Variants in TMEM132D observed in about 807,000 individuals in gnomAD.
TMEM132D encodes transmembrane protein 132D.
Under a neutral mutation model 62.3 loss-of-function variants are expected in TMEM132D, and 21 were observed. The observed-to-expected ratio is 0.34, with a 90% CI of 0.24 to 0.49. TMEM132D has a LOEUF of 0.49. Ranked by LOEUF, TMEM132D falls within the 20% of genes least tolerant of loss-of-function variation. The pLI is 0.99. For missense variants in TMEM132D, 1,346 were observed against 1,402.8 expected, an observed-to-expected ratio of 0.96 and a Z score of 0.65; for synonymous variants, 621 against 575.6, an observed-to-expected ratio of 1.08 and a Z score of -1.13.
intron 1 of TMEM132D, among the ~76,000 whole-genome samples, chr12:129,701,364 G>A (rs1881381863): frequency 6.6e-6 from 1 of 152,172 alleles, no homozygotes; most frequent in Non-Finnish European, 1.5e-5. Context: ...ACCTTGGAAG[G>A]ATATATTGGG....
At position 129,321,456 on chromosome 12, in the gene TMEM132D, T is replaced by C. The variant is rs181829093; in HGVS notation, c.1299+16178A>G. ...TCGTTATTCAGAAAGCTTCTAATAT[T>C]CCATGTCCATCACTTAGTCATGCCC... On this transcript the variant is annotated intron_variant, in intron 4 of 8. Coordinates refer to ENST00000422113, the MANE Select transcript of TMEM132D (RefSeq NM_133448.3). 2.6e-5 allele frequency among the ~76,000 whole-genome samples: 4 copies of C among 152,362 alleles called. No homozygotes were observed. The East Asian group carries it at 7.7e-4, about 29-fold the overall frequency.
intron 1 of TMEM132D, among the ~76,000 whole-genome samples, chr12:129,710,768 T>C (rs1040083666): frequency 1.3e-5 from 2 of 152,182 alleles, no homozygotes; most frequent in Admixed American, 6.5e-5. Flanking sequence ...CCCGCAGCCA[T>C]GCTCCTCTCC....
chr12:129,415,655 G>A (rs1449408871), intron 3 of TMEM132D, among the ~76,000 whole-genome samples: 5 of 152,140 alleles, frequency 3.3e-5, no homozygotes, highest in African/African-American at 1.2e-4. Context: ...ATCTGCTCAG[G>A]TCAGGGCTTA....
intron 1 of TMEM132D, among the ~76,000 whole-genome samples, chr12:129,885,743 C>G (rs559150027): frequency 6.6e-6 from 1 of 152,266 alleles, no homozygotes; most frequent in East Asian, 1.9e-4. Context: ...TATTGTAAAT[C>G]TTGACATTTT....
chr12:129,887,499 T>C (rs1188050762), intron 1 of TMEM132D, among the ~76,000 whole-genome samples: 1 of 152,194 alleles, frequency 6.6e-6, no homozygotes, highest in East Asian at 1.9e-4. Flanking sequence ...AAATAAAATT[T>C]TCCTCTCTAT....
chr12:129,881,486 C>T (rs761636737), intron 1 of TMEM132D, among the ~76,000 whole-genome samples: 70 of 152,022 alleles, frequency 4.6e-4, no homozygotes, highest in Non-Finnish European at 5.6e-4. Context: ...GCATTAACAT[C>T]CTACAAAGTA....
intron 2 of TMEM132D, among the ~76,000 whole-genome samples, chr12:129,670,877 T>C (rs748278006): frequency 6.6e-6 from 1 of 152,202 alleles, no homozygotes; most frequent in African/African-American, 2.4e-5. Context: ...AACTGAGCTA[T>C]GAGCCGGAGG....
At chr12:129,200,886 G>T (rs1026521978) in intron 5 of TMEM132D, among the ~76,000 whole-genome samples, 1 of 152,170 alleles carries the variant, frequency 6.6e-6, no homozygotes, top group Admixed American at 6.5e-5. Flanking sequence ...CTTGTTAAGC[G>T]TTGTGCTCCC....
chr12:129,378,077 C>A lies in TMEM132D; in HGVS notation c.1116-40260G>T, dbSNP rs573132758. The stretch of plus-strand genomic sequence containing the variant: ...TCCTGAAATTTGCACATACCCCTTT[C>A]AAAGACATTTAATCACTACAGCCTC... On this transcript the variant is annotated intron_variant, in intron 3 of 8. Transcript: ENST00000422113. Among the ~76,000 whole-genome samples, 301 of 152,320 alleles carry A rather than the reference C, an allele frequency of 2.0e-3. 2 individuals are homozygous for A. Among genetic ancestry groups the A allele is most frequent in the African/African-American group, 6.9e-3 (288 of 41,580 alleles).
intron 5 of TMEM132D, among the ~76,000 whole-genome samples, chr12:129,141,897 C>T (rs1158950709): frequency 1.3e-5 from 2 of 151,412 alleles, no homozygotes; most frequent in Non-Finnish European, 2.9e-5. Context: ...TAAACCTGCA[C>T]ATGTACCCCC....
chr12:129,874,603 A>C (rs1475604630), intron 1 of TMEM132D, among the ~76,000 whole-genome samples: 11 of 150,398 alleles, frequency 7.3e-5, no homozygotes, highest in African/African-American at 2.2e-4. Flanking sequence ...AAAAAAAAAA[A>C]AAAAACGGAG....
In TMEM132D at chr12:129,888,406, T is replaced by C. The variant is rs181882941; in HGVS notation, c.79+14855A>G. On this transcript the variant is annotated intron_variant, in intron 1 of 8. Transcript: ENST00000422113. ...TATTTGAATCTTAGATTAAAAATTA[T>C]AACAGCCCTGTCTGGGCGCGATGGC... Among the ~76,000 whole-genome samples, 517 of 152,258 alleles carry C rather than the reference T, an allele frequency of 3.4e-3. 6 individuals are homozygous for C. Among genetic ancestry groups the C allele is most frequent in the Admixed American group, 4.5e-3 (69 of 15,290 alleles).
chr12:129,390,086 G>A lies in TMEM132D; in HGVS notation c.1116-52269C>T, dbSNP rs192528169. On this transcript the variant is annotated intron_variant, in intron 3 of 8. Coordinates refer to ENST00000422113, the MANE Select transcript of TMEM132D (RefSeq NM_133448.3). Reference sequence around the variant, plus strand: ...GGGAGAAGACTGTGTGACAGGGATTGTCGCTGTTGTGTGCGGCACTTTCAA... The same window carrying A: ...GGGAGAAGACTGTGTGACAGGGATTATCGCTGTTGTGTGCGGCACTTTCAA... Among the ~76,000 whole-genome samples the A allele has an allele frequency of 2.0e-4, 31 of 152,324 alleles. No homozygotes were observed. In the East Asian group the frequency reaches 5.4e-3, roughly 27 times the overall value.
chr12:129,844,174 G>A (rs997625496), intron 1 of TMEM132D, among the ~76,000 whole-genome samples: 4 of 152,170 alleles, frequency 2.6e-5, no homozygotes, highest in South Asian at 2.1e-4. Context: ...ATGCTAGCCC[G>A]CATATTTCAA....
chr12:129,584,825 A>G (rs556377538), intron 2 of TMEM132D, among the ~76,000 whole-genome samples: 1 of 152,176 alleles, frequency 6.6e-6, no homozygotes, highest in South Asian at 2.1e-4. Context: ...GAAATTACCG[A>G]TGGAAAGAAA....
chr12:129,140,909 C>T (rs918085235), intron 5 of TMEM132D, among the ~76,000 whole-genome samples: 3 of 151,778 alleles, frequency 2.0e-5, no homozygotes, highest in Admixed American at 6.6e-5. Context: ...TCCTTCTGAT[C>T]GCGAGGAAGC....
At chr12:129,220,977 G>A (rs1853071423) in intron 4 of TMEM132D, among the ~76,000 whole-genome samples, 1 of 152,036 alleles carries the variant, frequency 6.6e-6, no homozygotes, top group Non-Finnish European at 1.5e-5. Context: ...CATGCTTGAT[G>A]GTGTTGGGCC....
At chr12:129,457,453 A>T (rs1195952865) in intron 3 of TMEM132D, among the ~76,000 whole-genome samples, 1 of 75,378 alleles carries the variant, frequency 1.3e-5, no homozygotes, top group Non-Finnish European at 2.8e-5. Context: ...GGTAGGGGGG[A>T]GGGGAGAGGG....
chr12:129,652,612 C>T (rs1373556690), intron 2 of TMEM132D, among the ~76,000 whole-genome samples: 1 of 152,178 alleles, frequency 6.6e-6, no homozygotes, highest in African/African-American at 2.4e-5. Context: ...GGCCACAAGC[C>T]AGGGAATGCT....
Sources: allele counts gnomAD v4.1 joint callset (sites outside exome capture counted in the v4.1 genomes callset), GRCh38; gene constraint gnomAD v4.1.1; transcripts MANE v1.5; gene names NCBI Gene and HGNC (gene_info 2026-07-23, HGNC 2026-07-21).